PPP1R1C: variants seen among roughly 807,000 people sequenced by gnomAD.
The protein encoded by PPP1R1C is protein phosphatase 1 regulatory inhibitor subunit 1C, also known as protein phosphatase 1 regulatory subunit 1C.
Under a neutral mutation model 17.4 loss-of-function variants are expected in PPP1R1C, and 15 were observed. That is an observed-to-expected ratio of 0.86 (90% CI 0.58 to 1.33). PPP1R1C has a LOEUF of 1.33. Ranked by LOEUF, PPP1R1C falls within the 40% of genes most tolerant of loss-of-function variation. PPP1R1C has a pLI of 0.00. For missense variants in PPP1R1C, 143 were observed against 130.0 expected, an observed-to-expected ratio of 1.10 and a Z score of -0.48; for synonymous variants, 35 against 43.1, an observed-to-expected ratio of 0.81 and a Z score of 0.73.
intron 4 of PPP1R1C, among the ~76,000 whole-genome samples, chr2:182,114,490 TC>T (rs1186301947): frequency 1.3e-5 from 2 of 152,154 alleles, no homozygotes; most frequent in African/African-American, 4.8e-5. Context: ...TACATAGTCC[TC>T]AGCAGGCTTC....
At chr2:182,036,990 AAG>A (rs535402389) in intron 2 of PPP1R1C, among the ~76,000 whole-genome samples, 240 of 152,342 alleles carry the variant, frequency 1.6e-3, no homozygotes, top group Middle Eastern at 0.01. Flanking sequence ...GTGAATTTCA[AAG>A]AGAGAGTGGA....
chr2:182,105,522 C>T (rs1036999614), intron 4 of PPP1R1C, among the ~76,000 whole-genome samples: 4 of 151,814 alleles, frequency 2.6e-5, no homozygotes, highest in African/African-American at 9.7e-5. Flanking sequence ...GGTAAGGAAG[C>T]TTTATAGTGA....
intron 2 of PPP1R1C, among the ~76,000 whole-genome samples, chr2:181,995,592 G>T (rs1377018808): frequency 6.6e-6 from 1 of 152,158 alleles, no homozygotes; most frequent in Non-Finnish European, 1.5e-5. Flanking sequence ...CTTAACAGTT[G>T]TTCAGTTTCA....
At chr2:182,034,232 C>T (rs750934061) in intron 2 of PPP1R1C, among the ~76,000 whole-genome samples, 1 of 152,058 alleles carries the variant, frequency 6.6e-6, no homozygotes, top group Non-Finnish European at 1.5e-5. Context: ...TTAAATCAAT[C>T]ACTACACAAA....
At position 182,057,849 on chromosome 2, in the gene PPP1R1C, A is replaced by G. The variant is rs113179136; in HGVS notation, c.143-3593A>G. ...TCTTCAAAATACACGCAGAATTCTGACAGTAAGAACAAAAATGTACTCTTA... is the reference window on the plus strand; with the variant it reads ...TCTTCAAAATACACGCAGAATTCTGGCAGTAAGAACAAAAATGTACTCTTA... On this transcript the variant is annotated intron_variant, in intron 2 of 4. Transcript: ENST00000682840. Among the ~76,000 whole-genome samples the G allele has an allele frequency of 5.9e-5, 9 of 152,222 alleles. 3 individuals carry two copies. Among genetic ancestry groups the G allele is most frequent in the African/African-American group, 2.2e-4 (9 of 41,544 alleles).
In PPP1R1C at chr2:182,065,205, G is replaced by A. The variant is rs553535424; in HGVS notation, c.241+1414G>A. Among the ~76,000 whole-genome samples, 7 of 152,122 alleles carry A rather than the reference G, an allele frequency of 4.6e-5. 1 individual carries two copies. In the South Asian group the frequency reaches 1.5e-3, roughly 32 times the overall value. On this transcript the variant is annotated intron_variant, in intron 4 of 4. Transcript: ENST00000682840. ...ATTTGTGGTCATAAGTTAATGGCTT[G>A]AGAAAGCACAGTAATTGTTTCAAGA...
At chr2:182,011,759 A>C (rs747414788) in intron 2 of PPP1R1C, among the ~76,000 whole-genome samples, 3 of 151,970 alleles carry the variant, frequency 2.0e-5, no homozygotes, top group African/African-American at 2.4e-5. Context: ...ATTGCTATCA[A>C]CTTTCCTCTT....
At chr2:182,118,414 G>A (rs1689647195), downstream of PPP1R1C, among the ~76,000 whole-genome samples, 1 of 151,748 alleles carries the variant, frequency 6.6e-6, no homozygotes, top group African/African-American at 2.4e-5. Context: ...AAATTTAGGG[G>A]GAATGGAAGA....
At chr2:182,025,283 G>A (rs998334254) in intron 2 of PPP1R1C, among the ~76,000 whole-genome samples, 7 of 144,664 alleles carry the variant, frequency 4.8e-5, no homozygotes, top group Non-Finnish European at 9.1e-5. Context: ...ATGTATACAT[G>A]TGCCATGCTG....
chr2:181,958,265 C>T (rs1376115789), intron 1 of PPP1R1C, among the ~76,000 whole-genome samples: 3 of 152,198 alleles, frequency 2.0e-5, no homozygotes, highest in Non-Finnish European at 4.4e-5. Flanking sequence ...AATTACATTA[C>T]TGATTTTGTC....
intron 2 of PPP1R1C, among the ~76,000 whole-genome samples, chr2:182,013,204 G>A (rs1686145517): frequency 6.6e-6 from 1 of 151,940 alleles, no homozygotes; most frequent in African/African-American, 2.4e-5. Flanking sequence ...ATTTCATATA[G>A]GACAGATTTG....
intron 4 of PPP1R1C, among the ~76,000 whole-genome samples, chr2:182,069,999 A>AGAG (rs1417379871): frequency 6.6e-6 from 1 of 152,226 alleles, no homozygotes; most frequent in Non-Finnish European, 1.5e-5. Flanking sequence ...GGTGAAAAGC[A>AGAG]GAGCCCTGGC....
upstream of PPP1R1C, among the ~76,000 whole-genome samples, chr2:181,981,362 G>A (rs1421105872): frequency 6.6e-6 from 1 of 152,190 alleles, no homozygotes; most frequent in Non-Finnish European, 1.5e-5. Flanking sequence ...ATTTTAATAT[G>A]AGATTGCAAT....
At chr2:182,091,632 A>C (rs1688784369) in intron 4 of PPP1R1C, among the ~76,000 whole-genome samples, 1 of 152,180 alleles carries the variant, frequency 6.6e-6, no homozygotes, top group Non-Finnish European at 1.5e-5. Context: ...GATACAAAGA[A>C]GTTCTACAAA....
intron 4 of PPP1R1C, among the ~76,000 whole-genome samples, chr2:182,074,321 G>A (rs1242695869): frequency 1.3e-5 from 2 of 152,076 alleles, no homozygotes; most frequent in African/African-American, 2.4e-5. Flanking sequence ...GGTTACAGGC[G>A]TGAGACACTG....
chr2:182,033,859 C>T (rs1186404627), intron 2 of PPP1R1C, among the ~76,000 whole-genome samples: 1 of 152,182 alleles, frequency 6.6e-6, no homozygotes, highest in Non-Finnish European at 1.5e-5. Context: ...CGCTAAATCG[C>T]TTTGAACTGC....
At chr2:182,065,153 C>T (rs1453768631) in intron 4 of PPP1R1C, among the ~76,000 whole-genome samples, 1 of 152,034 alleles carries the variant, frequency 6.6e-6, no homozygotes, top group Non-Finnish European at 1.5e-5. Flanking sequence ...TCTCAAGTCT[C>T]CCCGAGATAC....
intron 4 of PPP1R1C, among the ~76,000 whole-genome samples, chr2:182,102,003 T>C (rs1689110896): frequency 6.6e-6 from 1 of 152,150 alleles, no homozygotes; most frequent in Non-Finnish European, 1.5e-5. Context: ...TATTAATAAA[T>C]GAAGGAATGA....
intron 4 of PPP1R1C, among the ~76,000 whole-genome samples, chr2:182,073,600 C>G (rs1047892737): frequency 6.6e-6 from 1 of 152,068 alleles, no homozygotes; most frequent in African/African-American, 2.4e-5. Flanking sequence ...TGTAAGTTCC[C>G]TGAGATTGAT....
Sources: gnomAD v4.1 joint callset for allele counts (sites outside exome capture counted in the v4.1 genomes callset) on GRCh38, gnomAD v4.1.1 for gene constraint, MANE v1.5 for transcripts, NCBI Gene and HGNC (gene_info 2026-07-23, HGNC 2026-07-21) for gene names.